Variants in MROH1 observed in about 807,000 individuals in gnomAD.
MROH1 encodes the protein maestro heat like repeat family member 1, also known as maestro heat-like repeat-containing protein family member 1.
A neutral mutation model predicts 116.5 loss-of-function variants in MROH1; 117 were observed. That is an observed-to-expected ratio of 1.00 (90% CI 0.86 to 1.17). MROH1 has a LOEUF of 1.17. Among genes scored for constraint, MROH1 ranks in the 50% most tolerant of loss-of-function variants. The pLI, the probability that MROH1 is intolerant of heterozygous loss-of-function variation, is 0.00. For missense variants in MROH1, 1,873 were observed against 1,338.5 expected (o/e 1.40, Z -6.23); for synonymous variants, 921 against 583.9 (o/e 1.58, Z -8.32).
Position 144,254,954 on chromosome 8 carries a change from C to T in MROH1, c.3570C>T (p.Arg1190=), listed in dbSNP as rs952643667. 1,354 of 771,030 alleles carry T rather than the reference C, an allele frequency of 1.8e-3. 11 individuals are homozygous for T. In the African/African-American group the frequency reaches 0.02, roughly 11 times the overall value. The allele number at this position is 771,030 out of a possible 1,614,324, so 47.8% of individuals were successfully genotyped here. Residue 1190 remains arginine (R), a synonymous_variant, in exon 34 of 44, where the codon CGC becomes CGT. Transcript: ENST00000326134. The stretch of plus-strand genomic sequence containing the variant: ...TCCTGCTGGGCCGCACCCCAGACCG[C>T]GTGGCCACGCTGCTGCCTCTCTCGG... The part of the protein sequence containing the change: ...RAFLLGRTPD[R]VATLLPLSAT...
intron 4 of MROH1, among the ~76,000 whole-genome samples, chr8:144,174,137 G>A (rs1027628977): frequency 2.0e-5 from 3 of 152,148 alleles, no homozygotes; most frequent in Non-Finnish European, 4.4e-5. Context: ...ACCACTCAAA[G>A]GTGGGCGTGA....
intron 1 of MROH1, chr8:144,148,958 G>A (rs1459672977): frequency 6.6e-6 from 1 of 152,642 alleles, no homozygotes; most frequent in Non-Finnish European, 1.5e-5. Flanking sequence ...CAGCCCTGTA[G>A]GCAGGGACCA....
At chr8:144,248,712 C>G (rs945150698) in intron 31 of MROH1, among the ~76,000 whole-genome samples, 165 bp from the exon 32 acceptor site, 1,864 of 152,316 alleles carry the variant, frequency 0.012, 30 homozygotes, top group African/African-American at 0.04. Context: ...ACCCCACCCC[C>G]GTGCAGCGAG....
intron 24 of MROH1, 143 bp downstream of exon 24, chr8:144,242,771 G>A (rs932115188): frequency 3.9e-5 from 26 of 673,470 alleles, no homozygotes; most frequent in African/African-American, 8.9e-5. Flanking sequence ...GGAGGCGTTC[G>A]AGAGCATCAC....
rs576107459 is a variant in MROH1 at position 144,168,809 on chromosome 8, AG to A, written c.168+373del. ...TTTCTGAGAGAATCTCATCAACCCA[AG>A]GGGCCAGAAACACTGATAAGTGCTC... On this transcript the variant is annotated intron_variant, in intron 4 of 43. Transcript: ENST00000326134. Among the ~76,000 whole-genome samples, 7 of 152,330 alleles carry A rather than the reference AG, an allele frequency of 4.6e-5. No homozygotes were observed. In the South Asian group the frequency reaches 1.4e-3, roughly 32 times the overall value.
Position 144,260,860 on chromosome 8 carries a change from G to A in MROH1, c.4536+28G>A, listed in dbSNP as rs912168410. 4 of 777,538 alleles carry A rather than the reference G, an allele frequency of 5.1e-6. No homozygotes were observed. The East Asian group carries it at 7.3e-5, about 14-fold the overall frequency. The allele number at this position is 777,538 out of a possible 1,614,324, so 48.2% of individuals were successfully genotyped here. A position where few individuals can be genotyped will look rare whatever the true frequency, so the allele number is the denominator to read the frequency against. On this transcript the variant is annotated intron_variant, in intron 40 of 43. Coordinates refer to ENST00000326134, the MANE Select transcript of MROH1 (RefSeq NM_032450.3). ...GAGTAGCCAGGGGGTGAGTGGGATG[G>A]GGTGGGTGGCCTCAACTGGACTTGG...
rs1375401951 is a variant in MROH1, at chr8:144,180,283, G to A, written c.406G>A (p.Gly136Arg). ...MEELLRRLHP[G>R]TLPHCAVLHT... Reference sequence around the variant, plus strand: ...GGAGCTGCTGCGCAGGCTGCACCCTGGGACCCTGCCACACTGCGCCGTGCT... The same window carrying A: ...GGAGCTGCTGCGCAGGCTGCACCCTAGGACCCTGCCACACTGCGCCGTGCT... The change falls in exon 6 of 44, where the codon GGG (glycine) becomes AGG (arginine). Residue 136 changes from glycine (G) to arginine (R), a missense_variant. Coordinates refer to ENST00000326134, the MANE Select transcript of MROH1 (RefSeq NM_032450.3). The surrounding 1 kb of genome is among the most constrained non-coding windows in gnomAD (Gnocchi z 7.4). 16 of 1,609,734 alleles carry A rather than the reference G, an allele frequency of 9.9e-6. No individual in the cohort carries two copies. Among genetic ancestry groups the A allele is most frequent in the Non-Finnish European group, 1.4e-5 (16 of 1,179,794 alleles).
chr8:144,200,533 A>G lies in MROH1; in HGVS notation c.1133A>G (p.Asn378Ser), dbSNP rs1412348247. 4 of 1,550,170 alleles carry G rather than the reference A, an allele frequency of 2.6e-6. No homozygotes were observed. The highest frequency in any genetic ancestry group is 2.4e-5 in the East Asian group (1 of 40,922). ...GTLQVVRHVI[N>S]SAAAQMEDKK... ...CTGCAGGTGGTCAGACATGTCATCA[A>G]CTCAGCTGGTGAGTGCCTCCATGCT... Residue 378 changes from asparagine to serine, a missense_variant, in exon 12 of 44, where the codon AAC becomes AGC. Coordinates refer to ENST00000326134, the MANE Select transcript of MROH1 (RefSeq NM_032450.3).
chr8:144,261,439 C>T (rs940843354), intron 43 of MROH1, 90 bp downstream of exon 43: 7 of 699,942 alleles, frequency 1.0e-5, no homozygotes, highest in Middle Eastern at 3.7e-4. Context: ...GATTTCAGGA[C>T]TTTTTCCCTG....
intron 14 of MROH1, among the ~76,000 whole-genome samples, chr8:144,235,694 T>G (rs1366501809): frequency 6.6e-6 from 1 of 152,160 alleles, no homozygotes; most frequent in African/African-American, 2.4e-5. Flanking sequence ...CACTTGGTCA[T>G]GGTGTATAAT....
chr8:144,154,006 C>T (rs956328270), intron 1 of MROH1, among the ~76,000 whole-genome samples: 27 of 152,244 alleles, frequency 1.8e-4, no homozygotes, highest in Non-Finnish European at 2.6e-4. Context: ...GTGATCCGCC[C>T]ACCTTGGCCT....
intron 1 of MROH1, among the ~76,000 whole-genome samples, chr8:144,159,916 C>T (rs529130611): frequency 6.6e-5 from 10 of 151,980 alleles, no homozygotes; most frequent in Admixed American, 1.3e-4. Flanking sequence ...TACAGGGGCC[C>T]GCCACCACAC....
chr8:144,165,325 G>T (rs1820540267), intron 3 of MROH1, among the ~76,000 whole-genome samples: 1 of 152,036 alleles, frequency 6.6e-6, no homozygotes. Flanking sequence ...CACCAGGTTT[G>T]CCAGGCTGGT....
At chr8:144,220,489 C>T (rs1022735512) in intron 12 of MROH1, 111 bp from the exon 13 acceptor site, 10 of 841,918 alleles carry the variant, frequency 1.2e-5, no homozygotes, top group Middle Eastern at 6.2e-4. Flanking sequence ...CTTATGCTCC[C>T]TCTTCCTCCT....
intron 14 of MROH1, among the ~76,000 whole-genome samples, chr8:144,236,268 C>A (rs1840018213): frequency 6.6e-6 from 1 of 152,160 alleles, no homozygotes; most frequent in South Asian, 2.1e-4. Context: ...ATGTCCCCAC[C>A]AGTGTATCAT....
chr8:144,171,647 G>A (rs1479351730), intron 4 of MROH1, among the ~76,000 whole-genome samples: 13 of 152,204 alleles, frequency 8.5e-5, no homozygotes, highest in African/African-American at 4.8e-5. Flanking sequence ...AGCCTTAGGT[G>A]TTTTCTTTCT....
intron 7 of MROH1, among the ~76,000 whole-genome samples, chr8:144,186,102 CA>C (rs749307665): frequency 8.1e-4 from 118 of 146,420 alleles, no homozygotes; most frequent in Non-Finnish European, 1.4e-3. Context: ...GGAAATGAAG[CA>C]AAAAGGACAG....
chr8:144,248,911 T>A lies in MROH1; in HGVS notation c.3155T>A (p.Ile1052Asn). The change falls in exon 32 of 44, where the codon ATC becomes AAC. Residue 1052 changes from isoleucine (I) to asparagine (N), a missense_variant. Transcript: ENST00000326134. ...AAGCGCCTCCCCCCAGACCAGCTCA[T>A]CAGCCTCTTGCTAACCATGTTTGAG... ...IAKRLPPDQL[I>N]SLLLTMFEAL... is the part of the protein sequence containing the mutation. The A allele has an allele frequency of 1.3e-6, 1 of 778,342 alleles. No individual in the cohort carries two copies. Among genetic ancestry groups the A allele is most frequent in the Non-Finnish European group, 2.4e-6 (1 of 416,920 alleles). 48.2% of individuals were successfully genotyped at this position (778,342 alleles called of 1,614,324 possible). A position where few individuals can be genotyped will look rare whatever the true frequency, so the allele number is the denominator to read the frequency against.
At chr8:144,244,382 T>G (rs1278823863) in intron 27 of MROH1, 46 bp downstream of exon 27, 1 of 723,474 alleles carries the variant, frequency 1.4e-6, no homozygotes, top group Non-Finnish European at 2.6e-6. Context: ...GTGAGAGTGG[T>G]GGGAGGCCAC....
Sources: allele counts gnomAD v4.1 joint callset (sites outside exome capture counted in the v4.1 genomes callset), GRCh38; gene constraint gnomAD v4.1.1; non-coding constraint Gnocchi (gnomAD v3.1); transcripts MANE v1.5; gene names NCBI Gene and HGNC (gene_info 2026-07-23, HGNC 2026-07-21).